Variants in PTPRS observed in about 807,000 individuals in gnomAD.
The protein encoded by PTPRS is protein tyrosine phosphatase receptor type S.
In PTPRS, 63 loss-of-function variants were observed where a neutral mutation model predicts 215.3. The ratio of observed to expected loss-of-function variants is 0.29; its 90% CI spans 0.24 to 0.36. The LOEUF is 0.36. Among genes scored for constraint, PTPRS ranks in the 10% least tolerant of loss-of-function variants. The pLI, the probability that PTPRS is intolerant of heterozygous loss-of-function variation, is 1.00. For synonymous variants in PTPRS, 1,404 were observed against 1,191.4 expected, an observed-to-expected ratio of 1.18 and a Z score of -3.68; for missense variants, 2,258 against 2,825.8, an observed-to-expected ratio of 0.80 and a Z score of 4.56.
intron 9 of PTPRS, among the ~76,000 whole-genome samples, chr19:5,249,317 A>C (rs182073951): frequency 6.6e-6 from 1 of 152,294 alleles, no homozygotes; most frequent in Non-Finnish European, 1.5e-5. Context: ...TCTCCAAATA[A>C]ATAAATAAAT....
intron 9 of PTPRS, among the ~76,000 whole-genome samples, chr19:5,255,465 C>T (rs943249163): frequency 1.3e-5 from 2 of 151,322 alleles, no homozygotes; most frequent in African/African-American, 2.4e-5. Context: ...AGCACAGACA[C>T]AAGACAGAAC....
At chr19:5,337,784 A>C (rs1266781340) in intron 1 of PTPRS, among the ~76,000 whole-genome samples, 1 of 152,098 alleles carries the variant, frequency 6.6e-6, no homozygotes, top group East Asian at 1.9e-4. Flanking sequence ...TCCATGGTGG[A>C]AATTGGGGGA....
At position 5,257,495 on chromosome 19, in the gene PTPRS, G is replaced by A. The variant is rs930443265; in HGVS notation, c.706+522C>T. 1.0e-4 allele frequency: 46 copies of A among 455,906 alleles called. 1 individual carries two copies. The highest frequency in any genetic ancestry group is 7.5e-5 in the Non-Finnish European group (17 of 227,026). 28.2% of individuals were successfully genotyped at this position (455,906 alleles called of 1,614,324 possible). A position where few individuals can be genotyped will look rare whatever the true frequency, so the allele number is the denominator to read the frequency against. Reference sequence around the variant, plus strand: ...GGACCAGCTGGTGGGGGGTGGGAGGGGCAGCCTCGAAGACCCCTCCTCAAC... The same window carrying A: ...GGACCAGCTGGTGGGGGGTGGGAGGAGCAGCCTCGAAGACCCCTCCTCAAC... On this transcript the variant is annotated intron_variant, in intron 8 of 37. Transcript: ENST00000262963. The surrounding 1 kb of genome is among the most constrained non-coding windows in gnomAD (Gnocchi z 4.4).
intron 1 of PTPRS, among the ~76,000 whole-genome samples, chr19:5,331,731 GGA>G (rs1317330751): frequency 6.6e-6 from 1 of 152,214 alleles, no homozygotes; most frequent in Non-Finnish European, 1.5e-5. Context: ...AACGAGGGAT[GGA>G]GAAGCAGGTC....
chr19:5,274,644 A>G (rs2047204240), intron 2 of PTPRS, among the ~76,000 whole-genome samples: 1 of 47,084 alleles, frequency 2.1e-5, no homozygotes, highest in Non-Finnish European at 4.2e-5. Flanking sequence ...AGTGGATACA[A>G]CCTCACCTGG....
rs746359177 is a variant in PTPRS, at chr19:5,210,657, C to T, written c.5361+22G>A. 4.0e-5 allele frequency: 64 copies of T among 1,614,036 alleles called. No homozygotes were observed. Among genetic ancestry groups the T allele is most frequent in the Admixed American group, 5.0e-5 (3 of 60,014 alleles). ...AGCCACAGTCTGGCCCTCGCCCTTC[C>T]CTGCTGTGGCCCCTAGCTCACCCGG... On this transcript the variant is annotated intron_variant, in intron 34 of 37. Transcript: ENST00000262963. This position sits in a 1 kb window ranked among gnomAD's most constrained non-coding sequence, Gnocchi z 4.5.
At chr19:5,304,651 A>AAAACAAAAAGC (rs1397661504) in intron 1 of PTPRS, among the ~76,000 whole-genome samples, 2 of 152,060 alleles carry the variant, frequency 1.3e-5, no homozygotes, top group East Asian at 1.9e-4. Flanking sequence ...TCCGTTTCTA[A>AAAACAAAAAGC]AAACAAAAAG....
intron 13 of PTPRS, among the ~76,000 whole-genome samples, chr19:5,235,125 G>A (rs978751398): frequency 1.3e-5 from 2 of 151,796 alleles, no homozygotes; most frequent in Non-Finnish European, 2.9e-5. Flanking sequence ...TATTTTTAGG[G>A]GAGACGGATT....
intron 1 of PTPRS, among the ~76,000 whole-genome samples, chr19:5,327,838 C>A (rs1280433319): frequency 2.0e-5 from 3 of 152,116 alleles, no homozygotes; most frequent in African/African-American, 7.2e-5. Flanking sequence ...TAGCCTCAAG[C>A]AATCCTCCCA....
rs755546066 is a variant in PTPRS, at chr19:5,265,223, G to T, written c.380-27C>A. On this transcript the variant is annotated intron_variant, in intron 4 of 37. Transcript: ENST00000262963. ...TGAGGGCAGAGACGTGAGAGAAATG[G>T]GCATGGTTCTGAGCACTGCACAGCC... The T allele has an allele frequency of 5.7e-5, 92 of 1,602,142 alleles. No homozygotes were observed. In the Admixed American group the frequency reaches 1.5e-3, roughly 26 times the overall value.
intron 2 of PTPRS, among the ~76,000 whole-genome samples, chr19:5,284,614 G>A (rs542575542): frequency 2.6e-5 from 4 of 152,056 alleles, no homozygotes; most frequent in South Asian, 2.1e-4. Context: ...ATCAGGGTGC[G>A]GTGGCTGATC....
Position 5,295,061 on chromosome 19 carries a change from G to A in PTPRS, c.-94-8827C>T, listed in dbSNP as rs1186374785. Among the ~76,000 whole-genome samples, 2 of 152,210 alleles carry A rather than the reference G, an allele frequency of 1.3e-5. No individual in the cohort carries two copies. The highest frequency in any genetic ancestry group is 4.8e-5 in the African/African-American group (2 of 41,446). The stretch of plus-strand genomic sequence containing the variant: ...GGCTGGGCACACAGTGGGCCCTCAG[G>A]AGCAGAGTAGGCACCTTGCTTGTAT... On this transcript the variant is annotated intron_variant, in intron 1 of 37. Coordinates refer to ENST00000262963, the MANE Select transcript of PTPRS (RefSeq NM_002850.4). The surrounding 1 kb of genome is among the most constrained non-coding windows in gnomAD (Gnocchi z 4.6).
At position 5,287,748 on chromosome 19, in the gene PTPRS, C is replaced by T. The variant is rs1051003130; in HGVS notation, c.-94-1514G>A. ...CCGGGTCACAGCCTAGGGTGACGAA[C>T]GGGATTCGGGGGGCCTCAGTGTACA... is the stretch of plus-strand genomic sequence containing the variant. On this transcript the variant is annotated intron_variant, in intron 1 of 37. Coordinates refer to ENST00000262963, the MANE Select transcript of PTPRS (RefSeq NM_002850.4). The surrounding 1 kb of genome is among the most constrained non-coding windows in gnomAD (Gnocchi z 4.8). 2.0e-5 allele frequency among the ~76,000 whole-genome samples: 3 copies of T among 152,138 alleles called. No individual in the cohort carries two copies. Among genetic ancestry groups the T allele is most frequent in the Non-Finnish European group, 2.9e-5 (2 of 68,024 alleles).
chr19:5,249,731 C>T (rs1174507366), intron 9 of PTPRS, among the ~76,000 whole-genome samples: 1 of 152,174 alleles, frequency 6.6e-6, no homozygotes, highest in East Asian at 1.9e-4. Flanking sequence ...GAATAATATC[C>T]AGTAGCCATC....
At chr19:5,313,701 G>A (rs575667285) in intron 1 of PTPRS, among the ~76,000 whole-genome samples, 2 of 152,264 alleles carry the variant, frequency 1.3e-5, no homozygotes, top group African/African-American at 4.8e-5. Context: ...CTGGCCCAAG[G>A]TCAAGGTGGC....
chr19:5,269,354 C>G lies in PTPRS; in HGVS notation c.379+4088G>C, dbSNP rs374289010. On this transcript the variant is annotated intron_variant, in intron 4 of 37. Transcript: ENST00000262963. ...AAAAACGTACATCGCGAACCACACT[C>G]TGCCCAGTTCCTCGGAGTTTAATTA... Among the ~76,000 whole-genome samples the G allele has an allele frequency of 4.6e-5, 7 of 152,068 alleles. No homozygotes were observed. The South Asian group carries it at 1.0e-3, about 23-fold the overall frequency.
At chr19:5,288,246 A>T (rs2048529637) in intron 1 of PTPRS, among the ~76,000 whole-genome samples, 1 of 152,324 alleles carries the variant, frequency 6.6e-6, no homozygotes, top group South Asian at 2.1e-4. Flanking sequence ...ACACTGTCAG[A>T]CTATAGATAG....
chr19:5,230,956 G>A (rs940296780), intron 14 of PTPRS, among the ~76,000 whole-genome samples: 1 of 152,156 alleles, frequency 6.6e-6, no homozygotes, highest in Non-Finnish European at 1.5e-5. Context: ...CCATCCACCC[G>A]GGGAGCTGGT....
chr19:5,212,429 G>T lies in PTPRS; in HGVS notation c.4677C>A (p.Gly1559=), dbSNP rs377071281. ...GGAAGGGCGTTGGGTATTCGGGCACGCCATGGTCCGGCCACGCCGTAAACT... is the reference window on the plus strand; with the variant it reads ...GGAAGGGCGTTGGGTATTCGGGCACTCCATGGTCCGGCCACGCCGTAAACT... ...QFQFTAWPDH[G]VPEYPTPFLA... is the part of the protein sequence containing the mutation. Residue 1559 remains glycine (G), a synonymous_variant, in exon 31 of 38, where the codon GGC becomes GGA. Coordinates refer to ENST00000262963, the MANE Select transcript of PTPRS (RefSeq NM_002850.4). 6.2e-7 allele frequency: 1 copy of T among 1,600,968 alleles called. No homozygotes were observed. Among genetic ancestry groups the T allele is most frequent in the Non-Finnish European group, 8.5e-7 (1 of 1,173,782 alleles).
Sources: gnomAD v4.1 joint callset for allele counts (sites outside exome capture counted in the v4.1 genomes callset) on GRCh38, gnomAD v4.1.1 for gene constraint, Gnocchi (gnomAD v3.1) non-coding constraint, MANE v1.5 for transcripts, NCBI Gene and HGNC (gene_info 2026-07-23, HGNC 2026-07-21) for gene names.